Variants in PPHLN1 observed in about 807,000 individuals in gnomAD.
PPHLN1 encodes periphilin-1.
A neutral mutation model predicts 51.3 loss-of-function variants in PPHLN1; 29 were observed. The observed-to-expected ratio is 0.57, with a 90% CI of 0.42 to 0.77. The LOEUF (loss-of-function observed/expected upper bound fraction) is 0.77, where lower values mean the gene tolerates loss of function less well. PPHLN1 is among the 30% of genes least tolerant of loss of function. The probability of loss-of-function intolerance (pLI) is 0.00; values close to 1 mark genes in which losing one functional copy is unlikely to be tolerated. For synonymous variants in PPHLN1, 147 were observed against 147.8 expected (o/e 0.99, Z 0.04); for missense variants, 436 against 438.4 (o/e 0.99, Z 0.05).
chr12:42,388,306 C>T (rs1254443527), intron 7 of PPHLN1, among the ~76,000 whole-genome samples: 5 of 152,122 alleles, frequency 3.3e-5, no homozygotes, highest in South Asian at 2.1e-4. Context: ...TGGCAGGAGG[C>T]GAGACATGCT....
chr12:42,393,456 C>T, intron 7 of PPHLN1, 114 bp from the exon 8 acceptor site: 1 of 1,014,006 alleles, frequency 9.9e-7, no homozygotes, highest in African/African-American at 1.6e-5. Context: ...TACCTGTTCT[C>T]CATAGAAATT....
chr12:42,377,631 G>C (rs1294199822), intron 5 of PPHLN1, among the ~76,000 whole-genome samples: 9 of 152,030 alleles, frequency 5.9e-5, no homozygotes, highest in African/African-American at 2.2e-4. Flanking sequence ...GGATGTGTAT[G>C]ACTTAAATCC....
At chr12:42,349,404 T>TTTTG (rs1565783274) in intron 2 of PPHLN1, among the ~76,000 whole-genome samples, 4 of 106,732 alleles carry the variant, frequency 3.7e-5, no homozygotes, top group East Asian at 2.8e-4. Flanking sequence ...TTTTGTTTTG[T>TTTTG]TTTTTAAATT....
At chr12:42,347,195 G>A (rs1275915376) in intron 2 of PPHLN1, 1 of 152,224 alleles carries the variant, frequency 6.6e-6, no homozygotes, top group East Asian at 1.9e-4. Flanking sequence ...AGGCAACCTA[G>A]AAAGCTGCCT....
intron 8 of PPHLN1, among the ~76,000 whole-genome samples, chr12:42,398,351 T>C (rs1178215523): frequency 6.6e-6 from 1 of 152,226 alleles, no homozygotes; most frequent in Non-Finnish European, 1.5e-5. Context: ...CCTTTAAATA[T>C]ATTTCTTTAT....
In PPHLN1 at chr12:42,424,634, T is replaced by C. The variant is rs552061164; in HGVS notation, c.910-16681T>C. 1.1e-3 allele frequency among the ~76,000 whole-genome samples: 174 copies of C among 152,256 alleles called. 1 individual carries two copies. Among genetic ancestry groups the C allele is most frequent in the Non-Finnish European group, 1.9e-3 (129 of 68,008 alleles). Reference sequence around the variant, plus strand: ...GGAGCAGCTAAACAGAAACTGCCTATTTACTGGAGCTGTAGGTAATCCTGA... The same window carrying C: ...GGAGCAGCTAAACAGAAACTGCCTACTTACTGGAGCTGTAGGTAATCCTGA... On this transcript the variant is annotated intron_variant, in intron 9 of 9. Coordinates refer to ENST00000358314, the MANE Select transcript of PPHLN1 (RefSeq NM_201439.2).
intron 8 of PPHLN1, 36 bp downstream of exon 8, chr12:42,393,725 A>C (rs757715528): frequency 5.2e-6 from 8 of 1,537,502 alleles, no homozygotes; most frequent in Non-Finnish European, 7.0e-6. Context: ...TTCACATCTG[A>C]AAGTTTTGTC....
intron 2 of PPHLN1, among the ~76,000 whole-genome samples, chr12:42,347,988 G>T (rs1042494036): frequency 1.3e-5 from 2 of 152,174 alleles, no homozygotes; most frequent in South Asian, 4.1e-4. Flanking sequence ...CTACAGAGCA[G>T]AGATAGTATA....
intron 3 of PPHLN1, among the ~76,000 whole-genome samples, chr12:42,354,422 C>T (rs985059311): frequency 9.9e-5 from 15 of 152,200 alleles, no homozygotes; most frequent in African/African-American, 2.6e-4. Flanking sequence ...GTTGGCCAGG[C>T]TGGTCTCGAA....
At chr12:42,389,537 G>A (rs774506541) in intron 7 of PPHLN1, among the ~76,000 whole-genome samples, 1 of 152,196 alleles carries the variant, frequency 6.6e-6, no homozygotes, top group Non-Finnish European at 1.5e-5. Context: ...TCCAGCCTGG[G>A]CGACAGAGCG....
intron 2 of PPHLN1, chr12:42,343,692 GAGGT>G (rs2071828870): frequency 3.7e-6 from 1 of 266,724 alleles, no homozygotes; most frequent in South Asian, 3.3e-5. Flanking sequence ...GTTGCCCTAA[GAGGT>G]GTTTTACTTT....
At chr12:42,405,117 T>G (rs1009512136) in intron 9 of PPHLN1, among the ~76,000 whole-genome samples, 14 of 152,370 alleles carry the variant, frequency 9.2e-5, no homozygotes, top group Admixed American at 7.8e-4. Context: ...GCTCTTTTTA[T>G]CTCAGTGTTC....
intron 6 of PPHLN1, 95 bp from the exon 7 acceptor site, chr12:42,387,361 A>G: frequency 8.3e-6 from 11 of 1,318,158 alleles, no homozygotes; most frequent in Non-Finnish European, 1.1e-5. Context: ...GTACTAAAAT[A>G]AGTGTATGAC....
At chr12:42,430,807 ATC>A (rs1239489619) in intron 9 of PPHLN1, among the ~76,000 whole-genome samples, 2 of 152,176 alleles carry the variant, frequency 1.3e-5, no homozygotes, top group Non-Finnish European at 2.9e-5. Context: ...ACACTGTGTT[ATC>A]TCTTTTTTTT....
chr12:42,348,152 C>A (rs1002658358), intron 2 of PPHLN1, among the ~76,000 whole-genome samples: 177 of 151,724 alleles, frequency 1.2e-3, no homozygotes, highest in African/African-American at 4.2e-3. Flanking sequence ...GCTCTGTTGC[C>A]CCAGCTGGAG....
At chr12:42,427,984 T>C (rs2081648959) in intron 9 of PPHLN1, among the ~76,000 whole-genome samples, 1 of 151,714 alleles carries the variant, frequency 6.6e-6, no homozygotes, top group Non-Finnish European at 1.5e-5. Context: ...GACATACAAA[T>C]GGCCAAAAAA....
intron 7 of PPHLN1, among the ~76,000 whole-genome samples, chr12:42,388,625 T>A (rs910791951): frequency 6.6e-6 from 1 of 152,136 alleles, no homozygotes; most frequent in Non-Finnish European, 1.5e-5. Context: ...CTCTATACTT[T>A]GTCTCTGTGT....
intron 9 of PPHLN1, among the ~76,000 whole-genome samples, chr12:42,430,223 C>G (rs777436935): frequency 6.6e-6 from 1 of 151,908 alleles, no homozygotes; most frequent in African/African-American, 2.4e-5. Context: ...GATGGGTCTT[C>G]GATTTTAGCT....
intron 4 of PPHLN1, among the ~76,000 whole-genome samples, chr12:42,364,304 G>C (rs149493423): frequency 1.3e-5 from 2 of 152,052 alleles, no homozygotes; most frequent in Non-Finnish European, 2.9e-5. Flanking sequence ...TATGGAACAA[G>C]AGTGTCATCA....
Sources: allele counts gnomAD v4.1 joint callset (sites outside exome capture counted in the v4.1 genomes callset), GRCh38; gene constraint gnomAD v4.1.1; transcripts MANE v1.5; gene names NCBI Gene and HGNC (gene_info 2026-07-23, HGNC 2026-07-21).